Variants in CES5A observed in about 807,000 individuals in gnomAD.
CES5A encodes carboxylesterase 5A.
In CES5A, 67 loss-of-function variants were observed where a neutral mutation model predicts 62.9. The observed-to-expected ratio is 1.07, with a 90% CI of 0.88 to 1.31. CES5A has a LOEUF of 1.31. CES5A is among the 50% of genes most tolerant of loss of function. The pLI, the probability that CES5A is intolerant of heterozygous loss-of-function variation, is 0.00. For synonymous variants in CES5A, 296 were observed against 280.8 expected, an observed-to-expected ratio of 1.05 and a Z score of -0.54; for missense variants, 748 against 708.5, an observed-to-expected ratio of 1.06 and a Z score of -0.63.
At chr16:55,856,561 C>T (rs2033247900) in intron 8 of CES5A, 116 bp from the exon 9 acceptor site, 1 of 833,820 alleles carries the variant, frequency 1.2e-6, no homozygotes, top group East Asian at 2.5e-5. Flanking sequence ...AGCCCTCAAG[C>T]CCAAGCAGCC....
At chr16:55,846,863 G>A (rs762801263) in intron 11 of CES5A, 23 bp from the exon 12 acceptor site, 1 of 1,608,758 alleles carries the variant, frequency 6.2e-7, no homozygotes. Context: ...ATCACAAAAT[G>A]CTGCTGCTCT....
chr16:55,873,915 G>A lies in CES5A; in HGVS notation c.196C>T (p.Pro66Ser), dbSNP rs755619549. 1 of 1,613,918 alleles carries A rather than the reference G, an allele frequency of 6.2e-7. No individual in the cohort carries two copies. The highest frequency in any genetic ancestry group is 1.3e-5 in the African/African-American group (1 of 75,052). Residue 66 changes from proline to serine, a missense_variant, in exon 2 of 13, where the codon CCG (proline) becomes TCG (serine). Physicochemically the swap from Pro to Ser is moderately conservative, Grantham distance 74 (BLOSUM62 -1). Transcript: ENST00000290567. ...VFLGVPFAAP[P>S]LGSLRFTNPQ... is the part of the protein sequence containing the mutation. ...TTCGTAAATCGCAGGGATCCCAGCGGGGGAGCAGCAAAGGGGACTCCGAGG... is the reference window on the plus strand; with the variant it reads ...TTCGTAAATCGCAGGGATCCCAGCGAGGGAGCAGCAAAGGGGACTCCGAGG...
intron 6 of CES5A, among the ~76,000 whole-genome samples, chr16:55,862,459 C>T (rs1193260233): frequency 6.6e-6 from 1 of 152,150 alleles, no homozygotes; most frequent in African/African-American, 2.4e-5. Context: ...GCTTTCTCCA[C>T]TGATAAATCC....
intron 1 of CES5A, among the ~76,000 whole-genome samples, chr16:55,912,297 C>T (rs185108539): frequency 3.5e-4 from 54 of 152,342 alleles, no homozygotes; most frequent in African/African-American, 1.3e-3. Context: ...AAATACATTC[C>T]GACGACAACA....
intron 1 of CES5A, among the ~76,000 whole-genome samples, chr16:55,897,566 G>A (rs2033946667): frequency 6.6e-6 from 1 of 152,156 alleles, no homozygotes; most frequent in African/African-American, 2.4e-5. Context: ...GCCTGGATCA[G>A]AGACACACCC....
intron 5 of CES5A, 43 bp downstream of exon 5, chr16:55,865,920 T>A (rs2033447275): frequency 6.2e-7 from 1 of 1,612,356 alleles, no homozygotes; most frequent in Non-Finnish European, 8.5e-7. Context: ...TTTTGGAACC[T>A]CCGGCACTGA....
intron 2 of CES5A, among the ~76,000 whole-genome samples, chr16:55,939,530 T>G (rs571480756): frequency 6.6e-6 from 1 of 152,262 alleles, no homozygotes; most frequent in African/African-American, 2.4e-5. Flanking sequence ...GAAGATGACA[T>G]GGCCCCCTGA....
chr16:55,895,983 G>A (rs114583193), intron 1 of CES5A, among the ~76,000 whole-genome samples: 1,820 of 152,262 alleles, frequency 0.012, 51 homozygotes, highest in African/African-American at 0.041. Context: ...TGTTCAAGAC[G>A]AGTTTAGCTT....
intron 10 of CES5A, among the ~76,000 whole-genome samples, chr16:55,850,265 A>G (rs1470788684): frequency 6.6e-6 from 1 of 152,222 alleles, no homozygotes; most frequent in Non-Finnish European, 1.5e-5. Context: ...TAAAGTATAT[A>G]ATTCAGCGGT....
At chr16:55,905,542 T>C (rs977471363) in intron 1 of CES5A, among the ~76,000 whole-genome samples, 13 of 152,058 alleles carry the variant, frequency 8.5e-5, no homozygotes, top group Non-Finnish European at 1.9e-4. Flanking sequence ...AACTTTTGTA[T>C]TTTTAGGAGA....
rs866498970 is a variant in CES5A at position 55,849,648 on chromosome 16, G to A, written c.1399C>T (p.Leu467=). The change falls in exon 11 of 13, where the codon CTG becomes TTG. Residue 467 remains leucine (L), a synonymous_variant. Transcript: ENST00000290567. ...EVRFVFGGAF[L]KGDIVMFEGA... Reference sequence around the variant, plus strand: ...CCGAACATAACAATGTCCCCCTTCAGGAAGGCACCACCGAACACAAAGCGG... The same window carrying A: ...CCGAACATAACAATGTCCCCCTTCAAGAAGGCACCACCGAACACAAAGCGG... 6.2e-7 allele frequency: 1 copy of A among 1,613,960 alleles called. No homozygotes were observed. The highest frequency in any genetic ancestry group is 8.5e-7 in the Non-Finnish European group (1 of 1,179,878).
chr16:55,859,554 A>G lies in CES5A; in HGVS notation c.1049T>C (p.Leu350Pro). 4 of 1,612,104 alleles carry G rather than the reference A, an allele frequency of 2.5e-6. No homozygotes were observed. Among genetic ancestry groups the G allele is most frequent in the Non-Finnish European group, 3.4e-6 (4 of 1,179,668 alleles). ...GACAGCCAGAATTCTTACCATAGGC[A>G]GCAGGAAGCCACACTCGTGGTTATT... ...GVNNHECGFLLPMKEAPEILS... is the reference protein window; with the variant it reads ...GVNNHECGFLPPMKEAPEILS... The change falls in exon 8 of 13, where the codon CTG becomes CCG. Residue 350 changes from leucine to proline, a missense_variant. Coordinates refer to ENST00000290567, the MANE Select transcript of CES5A (RefSeq NM_001143685.2).
intron 4 of CES5A, chr16:55,869,404 CA>C (rs2033535294): frequency 1.1e-6 from 1 of 945,670 alleles, no homozygotes; most frequent in Non-Finnish European, 1.4e-6. Context: ...AAACTTTACC[CA>C]AGTGAGAAAG....
chr16:55,938,123 C>T (rs1366145658), intron 2 of CES5A, among the ~76,000 whole-genome samples: 5 of 152,062 alleles, frequency 3.3e-5, no homozygotes, highest in Admixed American at 2.0e-4. Context: ...TTCCATGGAT[C>T]GAGGGAAAGA....
chr16:55,952,446 A>G (rs2034567387), intron 1 of CES5A, among the ~76,000 whole-genome samples: 1 of 152,036 alleles, frequency 6.6e-6, no homozygotes, highest in South Asian at 2.1e-4. Context: ...CTAGAACACA[A>G]AAAAATCAAT....
chr16:55,850,838 C>T (rs917906858), intron 10 of CES5A, among the ~76,000 whole-genome samples: 1 of 152,112 alleles, frequency 6.6e-6, no homozygotes, highest in Admixed American at 6.5e-5. Context: ...TTTTATGTCC[C>T]CAGCAGCAGT....
chr16:55,921,123 A>T (rs1208213406), intron 1 of CES5A, among the ~76,000 whole-genome samples: 2 of 152,212 alleles, frequency 1.3e-5, no homozygotes, highest in Non-Finnish European at 2.9e-5. Context: ...AGATGTAAAA[A>T]GTTACCTCAA....
At chr16:55,878,845 CCACTACCTCCAT>C (rs2033728455), upstream of CES5A, among the ~76,000 whole-genome samples, 1 of 146,394 alleles carries the variant, frequency 6.8e-6, no homozygotes, top group Admixed American at 6.8e-5. Context: ...TGCACCCCCA[CCACTACCTCCAT>C]CACTGCATCC....
At chr16:55,936,345 T>A (rs990128594) in intron 2 of CES5A, among the ~76,000 whole-genome samples, 1 of 152,228 alleles carries the variant, frequency 6.6e-6, no homozygotes, top group Non-Finnish European at 1.5e-5. Flanking sequence ...CTCCTGTGTG[T>A]GTTCGTATGG....
Sources: gnomAD v4.1 joint callset for allele counts (sites outside exome capture counted in the v4.1 genomes callset) on GRCh38, gnomAD v4.1.1 for gene constraint, MANE v1.5 for transcripts, NCBI Gene and HGNC (gene_info 2026-07-23, HGNC 2026-07-21) for gene names.